Variants in GSE1 observed in about 807,000 individuals in gnomAD.
GSE1 encodes genetic suppressor element 1.
GSE1 carries 32 observed loss-of-function variants against 112.6 expected under a neutral mutation model. The observed-to-expected ratio is 0.28, with a 90% CI of 0.21 to 0.38. The LOEUF (loss-of-function observed/expected upper bound fraction) is 0.38, where lower values mean the gene tolerates loss of function less well. GSE1 is among the 10% of genes least tolerant of loss of function. GSE1 has a pLI of 1.00. For missense variants in GSE1, 2,348 were observed against 1,699.2 expected, an observed-to-expected ratio of 1.38 and a Z score of -6.71; for synonymous variants, 1,115 against 735.6, an observed-to-expected ratio of 1.52 and a Z score of -8.35.
At chr16:85,258,586 C>T (rs959798012) in intron 1 of GSE1, among the ~76,000 whole-genome samples, 1 of 152,180 alleles carries the variant, frequency 6.6e-6, no homozygotes, top group African/African-American at 2.4e-5. Flanking sequence ...GCCAGGGCGC[C>T]TCTGCCCCCC....
Position 85,431,610 on chromosome 16 carries a change from C to T in GSE1, c.2464+73967C>T, listed in dbSNP as rs1345234261. Among the ~76,000 whole-genome samples, 7 of 152,128 alleles carry T rather than the reference C, an allele frequency of 4.6e-5. No homozygotes were observed. In the East Asian group the frequency reaches 5.8e-4, roughly 13 times the overall value. ...CGTGGCAGCCTCAGAGGTTTCTGCC[C>T]GTGCTCCCCGAGACACTTGGCCATG... On this transcript the variant is annotated intron_variant, in intron 2 of 2. Coordinates refer to the GSE1 transcript ENST00000637419.
chr16:85,487,761 C>T (rs902340436), intron 2 of GSE1, among the ~76,000 whole-genome samples: 4 of 152,190 alleles, frequency 2.6e-5, no homozygotes, highest in African/African-American at 9.7e-5. Context: ...GGAGGTGGGT[C>T]GTCCAGGCCA....
intron 2 of GSE1, among the ~76,000 whole-genome samples, chr16:85,493,148 C>A (rs1304378665): frequency 2.6e-5 from 4 of 152,108 alleles, no homozygotes; most frequent in Non-Finnish European, 5.9e-5. Flanking sequence ...TGCAGAGGCC[C>A]CAGGCAGAAC....
intron 1 of GSE1, among the ~76,000 whole-genome samples, chr16:85,236,446 C>A (rs953627393): frequency 6.6e-6 from 1 of 152,240 alleles, no homozygotes; most frequent in African/African-American, 2.4e-5. Flanking sequence ...TGGGGTCCCA[C>A]TGGGGGCATA....
chr16:85,394,705 A>C (rs907467642), intron 2 of GSE1, among the ~76,000 whole-genome samples: 1 of 151,954 alleles, frequency 6.6e-6, no homozygotes, highest in African/African-American at 2.4e-5. Context: ...CATTTGTCTT[A>C]GTTGGAGCAG....
At chr16:85,497,970 G>C (rs577187062) in intron 2 of GSE1, among the ~76,000 whole-genome samples, 1 of 152,088 alleles carries the variant, frequency 6.6e-6, no homozygotes, top group African/African-American at 2.4e-5. Context: ...GCTGGGAGGT[G>C]GGGGAGCGGG....
At chr16:85,227,661 G>T (rs2075512215) in intron 1 of GSE1, among the ~76,000 whole-genome samples, 1 of 152,186 alleles carries the variant, frequency 6.6e-6, no homozygotes, top group Admixed American at 6.5e-5. Context: ...AACATTGAGG[G>T]TTGGGGAAGA....
chr16:85,569,154 C>T (rs139458766), intron 1 of GSE1, among the ~76,000 whole-genome samples: 2 of 152,338 alleles, frequency 1.3e-5, no homozygotes, highest in African/African-American at 4.8e-5. Context: ...CCAACCCTGC[C>T]TAACACTCTA....
chr16:85,643,637 A>G (rs879525587), intron 2 of GSE1, among the ~76,000 whole-genome samples: 1 of 152,208 alleles, frequency 6.6e-6, no homozygotes, highest in Non-Finnish European at 1.5e-5. Context: ...GTCTGGAGCC[A>G]GGCAGCTCCA....
chr16:85,252,022 C>T (rs1906539453), intron 1 of GSE1, among the ~76,000 whole-genome samples: 1 of 152,220 alleles, frequency 6.6e-6, no homozygotes, highest in Admixed American at 6.5e-5. Flanking sequence ...GAGTCACTGC[C>T]TGATCGGCAC....
intron 1 of GSE1, among the ~76,000 whole-genome samples, chr16:85,308,343 A>G (rs2151475910): frequency 6.6e-6 from 1 of 152,218 alleles, no homozygotes; most frequent in East Asian, 1.9e-4. Flanking sequence ...CTTTTGGGAC[A>G]GCCAGGGCAG....
chr16:85,178,523 C>G (rs928689758), intron 1 of GSE1, among the ~76,000 whole-genome samples: 1 of 151,976 alleles, frequency 6.6e-6, no homozygotes, highest in African/African-American at 2.4e-5. Context: ...GAGGGGTGGT[C>G]CCGGGCCATG....
In GSE1 at chr16:85,633,911, C is replaced by A; in HGVS notation, c.8-3C>A. ...ACCTCTGGTTCTTCTTTTCCTGTTTCAGGCATGAGCCATGAGCCCAAGTCC... is the reference window on the plus strand; with the variant it reads ...ACCTCTGGTTCTTCTTTTCCTGTTTAAGGCATGAGCCATGAGCCCAAGTCC... On this transcript the variant is annotated splice_polypyrimidine_tract_variant and splice_region_variant and intron_variant, in intron 1 of 15. Transcript: ENST00000253458. 1.2e-6 allele frequency: 2 copies of A among 1,606,616 alleles called. No homozygotes were observed. Among genetic ancestry groups the A allele is most frequent in the Non-Finnish European group, 1.7e-6 (2 of 1,176,436 alleles).
intron 2 of GSE1, among the ~76,000 whole-genome samples, chr16:85,357,860 G>A: frequency 6.6e-6 from 1 of 152,140 alleles, no homozygotes; most frequent in African/African-American, 2.4e-5. Flanking sequence ...CAACATCCCT[G>A]GTTCTCGATA....
intron 1 of GSE1, among the ~76,000 whole-genome samples, chr16:85,349,597 C>G (rs1028259092): frequency 6.6e-6 from 1 of 152,040 alleles, no homozygotes; most frequent in African/African-American, 2.4e-5. Flanking sequence ...CGCCGCCCTC[C>G]CTAGCCAATG....
At chr16:85,549,836 C>T (rs1047221612) in intron 2 of GSE1, among the ~76,000 whole-genome samples, 1 of 152,174 alleles carries the variant, frequency 6.6e-6, no homozygotes, top group African/African-American at 2.4e-5. Context: ...TTCTCTGGGC[C>T]TCAGCATCTT....
chr16:85,583,766 G>A (rs1040035904), intron 1 of GSE1, among the ~76,000 whole-genome samples: 1 of 152,120 alleles, frequency 6.6e-6, no homozygotes, highest in Non-Finnish European at 1.5e-5. Flanking sequence ...CCCGCCCCCC[G>A]TCCTCCTCCT....
In GSE1 at chr16:85,248,573, T is replaced by C. The variant is rs569010007; in HGVS notation, c.2283+76766T>C. On this transcript the variant is annotated intron_variant, in intron 1 of 2. Transcript: ENST00000637419. Reference sequence around the variant, plus strand: ...CTGTTACCTAATAGGCTGTTAATGATGATACAGTAAGTGGAAGGCAGAGTC... The same window carrying C: ...CTGTTACCTAATAGGCTGTTAATGACGATACAGTAAGTGGAAGGCAGAGTC... 3.9e-5 allele frequency among the ~76,000 whole-genome samples: 6 copies of C among 152,202 alleles called. No homozygotes were observed. In the South Asian group the frequency reaches 1.2e-3, roughly 32 times the overall value.
At chr16:85,636,686 C>T (rs1375552894) in intron 2 of GSE1, among the ~76,000 whole-genome samples, 5 of 60,524 alleles carry the variant, frequency 8.3e-5, no homozygotes, top group African/African-American at 4.9e-4. Flanking sequence ...GCTGGGCCTT[C>T]CCGGGGGGGG....
Sources: gnomAD v4.1 joint callset for allele counts (sites outside exome capture counted in the v4.1 genomes callset) on GRCh38, gnomAD v4.1.1 for gene constraint, MANE v1.5 for transcripts, NCBI Gene and HGNC (gene_info 2026-07-23, HGNC 2026-07-21) for gene names.